EYS: variants seen among roughly 807,000 people sequenced by gnomAD.
EYS encodes protein eyes shut homolog.
Under a neutral mutation model 282.1 loss-of-function variants are expected in EYS, and 250 were observed. The ratio of observed to expected loss-of-function variants is 0.89; its 90% CI spans 0.80 to 0.98. The LOEUF is 0.98. EYS is among the 50% of genes least tolerant of loss of function. The probability of loss-of-function intolerance (pLI) is 0.00; values close to 1 mark genes in which losing one functional copy is unlikely to be tolerated. For missense variants in EYS, 4,016 were observed against 3,709.0 expected (o/e 1.08, Z -2.15); for synonymous variants, 1,355 against 1,282.9 (o/e 1.06, Z -1.20).
chr6:65,383,235 CTCTAA>C (rs1052827935), intron 8 of EYS, among the ~76,000 whole-genome samples: 17 of 151,736 alleles, frequency 1.1e-4, no homozygotes, highest in African/African-American at 3.9e-4. Context: ...TTCCATTTCC[CTCTAA>C]TCTTTTTTTT....
At chr6:63,832,605 A>G (rs967995560) in intron 36 of EYS, among the ~76,000 whole-genome samples, 1 of 152,352 alleles carries the variant, frequency 6.6e-6, no homozygotes, top group Non-Finnish European at 1.5e-5. Context: ...GTCCAGGACC[A>G]GACGGATTCA....
intron 33 of EYS, among the ~76,000 whole-genome samples, chr6:64,007,352 A>G (rs1582120896): frequency 6.9e-6 from 1 of 145,086 alleles, no homozygotes; most frequent in Non-Finnish European, 1.5e-5. Context: ...CCCCTTTGTT[A>G]TCTCTGATTG....
At chr6:64,471,579 T>G (rs1776122390) in intron 26 of EYS, among the ~76,000 whole-genome samples, 2 of 151,920 alleles carry the variant, frequency 1.3e-5, no homozygotes, top group South Asian at 4.1e-4. Flanking sequence ...TGAAATAAAT[T>G]GAAGGGGCCA....
intron 26 of EYS, among the ~76,000 whole-genome samples, chr6:64,581,931 C>A (rs991020659): frequency 3.3e-5 from 5 of 152,120 alleles, no homozygotes; most frequent in African/African-American, 9.7e-5. Context: ...TTAAGTAGGT[C>A]TGAAATCTGA....
chr6:63,835,335 C>A lies in EYS; in HGVS notation c.7228+28851G>T, dbSNP rs576389629. Among the ~76,000 whole-genome samples the A allele has an allele frequency of 1.3e-3, 190 of 149,024 alleles. 1 individual carries two copies. The highest frequency in any genetic ancestry group is 5.9e-3 in the South Asian group (28 of 4,742). Reference sequence around the variant, plus strand: ...CTCTATATATACATATATACTCTCTCTCTATATATATATACACACACACAC... The same window carrying A: ...CTCTATATATACATATATACTCTCTATCTATATATATATACACACACACAC... On this transcript the variant is annotated intron_variant, in intron 36 of 42. Coordinates refer to ENST00000503581, the MANE Select transcript of EYS (RefSeq NM_001142800.2).
chr6:64,640,155 G>A (rs1768078479), intron 22 of EYS, among the ~76,000 whole-genome samples: 1 of 148,144 alleles, frequency 6.8e-6, no homozygotes, highest in East Asian at 2.0e-4. Flanking sequence ...GTGGAAGTCA[G>A]TGTGGCGATT....
At chr6:64,303,698 G>A (rs1270872183) in intron 30 of EYS, among the ~76,000 whole-genome samples, 9 of 151,454 alleles carry the variant, frequency 5.9e-5, no homozygotes, top group African/African-American at 1.2e-4. Flanking sequence ...AAAATTAGCC[G>A]GGCATGGTGG....
intron 28 of EYS, among the ~76,000 whole-genome samples, chr6:64,404,914 T>G (rs373775775): frequency 3.9e-5 from 6 of 152,114 alleles, no homozygotes; most frequent in Non-Finnish European, 8.8e-5. Context: ...TGTGGGAACA[T>G]TGATGGGGAA....
At chr6:64,131,823 G>GA (rs1773989839) in intron 31 of EYS, among the ~76,000 whole-genome samples, 1 of 152,162 alleles carries the variant, frequency 6.6e-6, no homozygotes, top group African/African-American at 2.4e-5. Context: ...CTACTTTGCA[G>GA]AAATCATACA....
intron 12 of EYS, among the ~76,000 whole-genome samples, chr6:65,204,978 GAAGAATA>G (rs1765995588): frequency 3.0e-5 from 3 of 99,672 alleles, no homozygotes; most frequent in African/African-American, 1.3e-4. Context: ...ATATATTCTA[GAAGAATA>G]TATTTATATA....
intron 22 of EYS, among the ~76,000 whole-genome samples, chr6:64,793,728 G>A (rs910045751): frequency 6.6e-6 from 1 of 151,894 alleles, no homozygotes; most frequent in Non-Finnish European, 1.5e-5. Flanking sequence ...TTCTTCATCT[G>A]TTTTATTACA....
intron 12 of EYS, among the ~76,000 whole-genome samples, chr6:65,202,471 C>A (rs536666626): frequency 3.0e-4 from 45 of 152,138 alleles, no homozygotes; most frequent in Non-Finnish European, 6.2e-4. Context: ...ACCCTCATCA[C>A]AGCTTGACCC....
chr6:65,168,432 G>A (rs1765026087), intron 12 of EYS, among the ~76,000 whole-genome samples: 1 of 151,094 alleles, frequency 6.6e-6, no homozygotes, highest in African/African-American at 2.4e-5. Context: ...CAAGATCAAG[G>A]CACCAGCAGA....
Position 65,161,604 on chromosome 6 carries a change from T to C in EYS, c.2024-103877A>G, listed in dbSNP as rs534241907. On this transcript the variant is annotated intron_variant, in intron 12 of 42. Coordinates refer to ENST00000503581, the MANE Select transcript of EYS (RefSeq NM_001142800.2). ...AAGGAAAGATAAAGCATTTGATTCA[T>C]TGTCTTTCTATTACCAAATTCTAAA... Among the ~76,000 whole-genome samples, 6 of 151,280 alleles carry C rather than the reference T, an allele frequency of 4.0e-5. No homozygotes were observed. In the South Asian group the frequency reaches 1.2e-3, roughly 31 times the overall value.
At chr6:63,987,868 G>T (rs1373594540) in intron 34 of EYS, among the ~76,000 whole-genome samples, 1 of 151,570 alleles carries the variant, frequency 6.6e-6, no homozygotes, top group Non-Finnish European at 1.5e-5. Context: ...TCATGTGGAT[G>T]TACTTTTAGA....
chr6:65,508,251 T>C (rs1030343891), intron 2 of EYS, among the ~76,000 whole-genome samples: 1 of 152,200 alleles, frequency 6.6e-6, no homozygotes, highest in Non-Finnish European at 1.5e-5. Flanking sequence ...TTTATGGTAC[T>C]GAGGCTCTGT....
intron 29 of EYS, among the ~76,000 whole-genome samples, chr6:64,366,531 G>A (rs545501550): frequency 6.6e-6 from 1 of 151,976 alleles, no homozygotes; most frequent in African/African-American, 2.4e-5. Flanking sequence ...TTTATTTTCT[G>A]TACATAAAAT....
chr6:64,342,441 T>C (rs6927411), intron 29 of EYS, among the ~76,000 whole-genome samples: 3,825 of 151,786 alleles, frequency 0.025, 148 homozygotes, highest in African/African-American at 0.086. Context: ...ATTTTCAACC[T>C]AGAATTTCAT....
intron 33 of EYS, among the ~76,000 whole-genome samples, chr6:64,061,075 C>T (rs1394587900): frequency 6.6e-6 from 1 of 152,152 alleles, no homozygotes; most frequent in Non-Finnish European, 1.5e-5. Flanking sequence ...ACATGGATAA[C>T]TTTATACCTC....
Sources: allele counts gnomAD v4.1 joint callset (sites outside exome capture counted in the v4.1 genomes callset), GRCh38; gene constraint gnomAD v4.1.1; transcripts MANE v1.5; gene names NCBI Gene and HGNC (gene_info 2026-07-23, HGNC 2026-07-21).